DNAAF11: variants seen among roughly 807,000 people sequenced by gnomAD.
DNAAF11 encodes dynein axonemal assembly factor 11.
DNAAF11 carries 45 observed loss-of-function variants against 60.8 expected under a neutral mutation model. That is an observed-to-expected ratio of 0.74 (90% confidence interval 0.58 to 0.95). The LOEUF (loss-of-function observed/expected upper bound fraction) is 0.95, where lower values mean the gene tolerates loss of function less well. Ranked by LOEUF, DNAAF11 falls within the 40% of genes least tolerant of loss-of-function variation. The probability of loss-of-function intolerance (pLI) is 0.00; values close to 1 mark genes in which losing one functional copy is unlikely to be tolerated. For missense variants in DNAAF11, 546 were observed against 546.2 expected, an observed-to-expected ratio of 1.00 and a Z score of 0.00; for synonymous variants, 191 against 183.5, an observed-to-expected ratio of 1.04 and a Z score of -0.33.
intron 10 of DNAAF11, among the ~76,000 whole-genome samples, chr8:132,602,117 C>T (rs932322819): frequency 4.6e-5 from 7 of 152,048 alleles, no homozygotes; most frequent in Non-Finnish European, 1.0e-4. Context: ...TATGTCTAAT[C>T]TGCTGTTAAA....
chr8:132,652,095 G>A (rs1055040526), intron 3 of DNAAF11, among the ~76,000 whole-genome samples: 1 of 152,200 alleles, frequency 6.6e-6, no homozygotes. Flanking sequence ...CATGACCTAA[G>A]TAAAGTCCTC....
intron 3 of DNAAF11, among the ~76,000 whole-genome samples, chr8:132,654,114 C>G (rs1823297287): frequency 1.3e-5 from 2 of 152,056 alleles, no homozygotes; most frequent in Non-Finnish European, 2.9e-5. Context: ...AAGGAGAGAG[C>G]TGGAGTGACT....
At chr8:132,666,762 A>G (rs1436431804) in intron 1 of DNAAF11, among the ~76,000 whole-genome samples, 1 of 152,256 alleles carries the variant, frequency 6.6e-6, no homozygotes, top group Non-Finnish European at 1.5e-5. Flanking sequence ...AACGGCAGAC[A>G]GTCCTTGCTT....
Position 132,661,596 on chromosome 8 carries a change from T to C in DNAAF11, c.42A>G (p.Glu14=), listed in dbSNP as rs199705053. 190 of 1,614,026 alleles carry C rather than the reference T, an allele frequency of 1.2e-4. No homozygotes were observed. Among genetic ancestry groups the C allele is most frequent in the Non-Finnish European group, 1.4e-4 (171 of 1,179,998 alleles). ...ITEDLIRRNA[E]HNDCVIFSLE... ...GGGAAAAAATGACACAGTCGTTGTGTTCAGCATTCCGTCTAATAAGATCTT... is the reference window on the plus strand; with the variant it reads ...GGGAAAAAATGACACAGTCGTTGTGCTCAGCATTCCGTCTAATAAGATCTT... The change falls in exon 2 of 12, where the codon GAA becomes GAG. Residue 14 remains glutamate (E), a synonymous_variant. Coordinates refer to ENST00000620350, the MANE Select transcript of DNAAF11 (RefSeq NM_012472.6).
chr8:132,670,956 T>A (rs906244437), intron 1 of DNAAF11, among the ~76,000 whole-genome samples: 2 of 152,074 alleles, frequency 1.3e-5, no homozygotes, highest in African/African-American at 4.8e-5. Context: ...GGAACTCAAC[T>A]TGACAAGGAG....
At chr8:132,594,592 G>A (rs1220289338) in intron 10 of DNAAF11, among the ~76,000 whole-genome samples, 1 of 151,876 alleles carries the variant, frequency 6.6e-6, no homozygotes, top group Non-Finnish European at 1.5e-5. Flanking sequence ...TGGAGGGAGG[G>A]ATGTGATTAG....
At chr8:132,599,380 T>C (rs183611474) in intron 10 of DNAAF11, among the ~76,000 whole-genome samples, 2,469 of 152,262 alleles carry the variant, frequency 0.016, 45 homozygotes, top group African/African-American at 0.051. Flanking sequence ...TCTGAAACTA[T>C]TCCAATCAAT....
rs536709844 is a variant in DNAAF11, at chr8:132,603,174, T to C, written c.1140+6992A>G. On this transcript the variant is annotated intron_variant, in intron 10 of 11. Coordinates refer to ENST00000620350, the MANE Select transcript of DNAAF11 (RefSeq NM_012472.6). ...GTACTATTAAGATGTTTTTAAAATA[T>C]GTAGTCCATCTTCTTAAGTTCTCAG... 2.3e-4 allele frequency among the ~76,000 whole-genome samples: 35 copies of C among 152,294 alleles called. No individual in the cohort carries two copies. In the East Asian group the frequency reaches 6.6e-3, roughly 29 times the overall value.
intron 3 of DNAAF11, among the ~76,000 whole-genome samples, chr8:132,638,727 A>C (rs1284366141): frequency 6.6e-6 from 1 of 152,224 alleles, no homozygotes; most frequent in Non-Finnish European, 1.5e-5. Context: ...TAATAGAAAA[A>C]GGGTGAGTCA....
chr8:132,620,995 G>C (rs1292847546), intron 7 of DNAAF11, among the ~76,000 whole-genome samples: 4 of 152,186 alleles, frequency 2.6e-5, no homozygotes, highest in African/African-American at 7.2e-5. Context: ...TAGCAGGAGA[G>C]GCAGAGAGAG....
intron 10 of DNAAF11, among the ~76,000 whole-genome samples, chr8:132,585,577 C>A (rs1282140805): frequency 6.6e-6 from 1 of 152,158 alleles, no homozygotes; most frequent in Admixed American, 6.5e-5. Flanking sequence ...ACATTAAATA[C>A]CAAGGCTAGA....
chr8:132,642,579 C>T (rs1162863854), intron 3 of DNAAF11, among the ~76,000 whole-genome samples: 2 of 152,150 alleles, frequency 1.3e-5, no homozygotes, highest in African/African-American at 4.8e-5. Flanking sequence ...GTCTGGCTAC[C>T]TTGACTCCAC....
Position 132,610,221 on chromosome 8 carries a change from C to T in DNAAF11, c.1085G>A (p.Ser362Asn). Residue 362 changes from serine (S) to asparagine (N), a missense_variant, in exon 10 of 12, where the codon AGT becomes AAT. Coordinates refer to ENST00000620350, the MANE Select transcript of DNAAF11 (RefSeq NM_012472.6). ...TGTCTGAGATCTTTTAGCAGAACTA[C>T]TATCGGGTTTCACTTCTGCAGGAAG... is the stretch of plus-strand genomic sequence containing the variant. The part of the protein sequence containing the change: ...LVLPAEVKPD[S>N]SSAKRSQTTG... The T allele has an allele frequency of 1.2e-6, 2 of 1,613,932 alleles. No homozygotes were observed. Among genetic ancestry groups the T allele is most frequent in the Non-Finnish European group, 1.7e-6 (2 of 1,179,894 alleles).
intron 1 of DNAAF11, among the ~76,000 whole-genome samples, chr8:132,662,803 C>G (rs1476085753): frequency 6.6e-6 from 1 of 152,198 alleles, no homozygotes; most frequent in Non-Finnish European, 1.5e-5. Flanking sequence ...TCCAGGTTTC[C>G]TGAAGGTGCA....
At chr8:132,666,834 A>C (rs1344214186) in intron 1 of DNAAF11, among the ~76,000 whole-genome samples, 1 of 152,230 alleles carries the variant, frequency 6.6e-6, no homozygotes, top group Admixed American at 6.5e-5. Flanking sequence ...CACTCGGGTC[A>C]TGTGGGTGGT....
At chr8:132,672,172 G>A (rs1209907646) in intron 1 of DNAAF11, among the ~76,000 whole-genome samples, 1 of 151,976 alleles carries the variant, frequency 6.6e-6, no homozygotes, top group Non-Finnish European at 1.5e-5. Context: ...TGTATAAAAT[G>A]GGCAAAATAT....
the DNAAF11 span, among the ~76,000 whole-genome samples, chr8:132,701,331 G>A: frequency 6.6e-6 from 1 of 152,174 alleles, no homozygotes; most frequent in South Asian, 2.1e-4. Flanking sequence ...AGAGGCACTG[G>A]GAATAGAGTA....
chr8:132,620,623 C>T (rs888815898), intron 7 of DNAAF11, among the ~76,000 whole-genome samples: 1 of 152,190 alleles, frequency 6.6e-6, no homozygotes, highest in African/African-American at 2.4e-5. Context: ...GCGTGAGCCA[C>T]TGCACCTGGC....
intron 10 of DNAAF11, among the ~76,000 whole-genome samples, chr8:132,605,419 T>C (rs886588754): frequency 6.6e-6 from 1 of 152,140 alleles, no homozygotes; most frequent in Non-Finnish European, 1.5e-5. Context: ...AGGAAATAGT[T>C]GAGAGGGAGA....
Sources: allele counts gnomAD v4.1 joint callset (sites outside exome capture counted in the v4.1 genomes callset), GRCh38; gene constraint gnomAD v4.1.1; transcripts MANE v1.5; gene names NCBI Gene and HGNC (gene_info 2026-07-23, HGNC 2026-07-21).